CDK5RAP2: variants seen among roughly 807,000 people sequenced by gnomAD.
CDK5RAP2 encodes CDK5 regulatory subunit-associated protein 2.
CDK5RAP2 carries 147 observed loss-of-function variants against 232.9 expected under a neutral mutation model. That is an observed-to-expected ratio of 0.63 (90% CI 0.55 to 0.72). The LOEUF is 0.72. Among genes scored for constraint, CDK5RAP2 ranks in the 30% least tolerant of loss-of-function variants. The pLI is 0.00. For synonymous variants in CDK5RAP2, 833 were observed against 833.7 expected, an observed-to-expected ratio of 1.00 and a Z score of 0.01; for missense variants, 2,195 against 2,231.5, an observed-to-expected ratio of 0.98 and a Z score of 0.33.
At chr9:120,482,615 A>T (rs1159721048) in intron 14 of CDK5RAP2, among the ~76,000 whole-genome samples, 9 of 152,128 alleles carry the variant, frequency 5.9e-5, no homozygotes, top group Admixed American at 5.9e-4. Context: ...CAGCCCCCAG[A>T]GCTGGCGTGT....
rs141110229 is a variant in CDK5RAP2 at position 120,572,819 on chromosome 9, A to T, written c.60-778T>A. Among the ~76,000 whole-genome samples the T allele has an allele frequency of 4.7e-4, 72 of 152,338 alleles. 1 individual carries two copies. The highest frequency in any genetic ancestry group is 9.3e-4 in the Non-Finnish European group (63 of 68,032). Reference sequence around the variant, plus strand: ...CAAGGTACCTTGTGGGTACTCCACAAATGGGAGCAAAATATCATGTCGCCT... The same window carrying T: ...CAAGGTACCTTGTGGGTACTCCACATATGGGAGCAAAATATCATGTCGCCT... On this transcript the variant is annotated intron_variant, in intron 1 of 37. Transcript: ENST00000349780.
At chr9:120,472,308 T>A (rs1243339738) in intron 15 of CDK5RAP2, among the ~76,000 whole-genome samples, 2 of 152,226 alleles carry the variant, frequency 1.3e-5, no homozygotes, top group Admixed American at 6.5e-5. Flanking sequence ...CATTTCCAAA[T>A]TTTTGCTATA....
chr9:120,439,680 C>T lies in CDK5RAP2; in HGVS notation c.3441G>A (p.Leu1147=), dbSNP rs369649269. ...SQCSEAIITV[L]CGTEGAQDGL... ...CATCCTGGGCCCCTTCTGTCCCACA[C>T]AAAACTGTAATTATGGCCTCACTGC... is the stretch of plus-strand genomic sequence containing the variant. Residue 1147 remains leucine (L), a synonymous_variant, in exon 24 of 38, where the codon TTG becomes TTA. Coordinates refer to ENST00000349780, the MANE Select transcript of CDK5RAP2 (RefSeq NM_018249.6). 1.4e-5 allele frequency: 22 copies of T among 1,614,212 alleles called. No individual in the cohort carries two copies. In the African/African-American group the frequency reaches 2.4e-4, roughly 18 times the overall value.
Position 120,415,046 on chromosome 9 carries a change from C to T in CDK5RAP2, c.4291G>A (p.Val1431Ile). The change falls in exon 28 of 38, where the codon GTT becomes ATT. Residue 1431 changes from valine (V) to isoleucine (I), a missense_variant. Physicochemically the swap from Val to Ile is conservative, Grantham distance 29. Coordinates refer to ENST00000349780, the MANE Select transcript of CDK5RAP2 (RefSeq NM_018249.6). The stretch of plus-strand genomic sequence containing the variant: ...CAGGAAGGTCTTTCCTTACCTTGAA[C>T]AAATTCAGATCCTTGCCGTTCCAAC... ...KQLERQGSEF[V>I]QGSTSIFASG... 3 of 1,614,192 alleles carry T rather than the reference C, an allele frequency of 1.9e-6. No homozygotes were observed. The highest frequency in any genetic ancestry group is 2.5e-6 in the Non-Finnish European group (3 of 1,180,004).
intron 7 of CDK5RAP2, among the ~76,000 whole-genome samples, chr9:120,532,847 A>G (rs1261814482): frequency 6.6e-6 from 1 of 152,152 alleles, no homozygotes; most frequent in Non-Finnish European, 1.5e-5. Context: ...CTGATCCGAC[A>G]TCCATGGAGA....
intron 3 of CDK5RAP2, among the ~76,000 whole-genome samples, chr9:120,553,034 A>G (rs2042103255): frequency 2.0e-5 from 3 of 152,270 alleles, no homozygotes; most frequent in South Asian, 2.1e-4. Flanking sequence ...AAGTTGGGGG[A>G]AAAAATAGTA....
chr9:120,498,657 G>A (rs966906244), intron 12 of CDK5RAP2, among the ~76,000 whole-genome samples: 1 of 151,838 alleles, frequency 6.6e-6, no homozygotes, highest in African/African-American at 2.4e-5. Context: ...ATGGGAACTC[G>A]CTATATTGTT....
At chr9:120,557,857 C>A (rs1477066898) in intron 3 of CDK5RAP2, among the ~76,000 whole-genome samples, 1 of 148,948 alleles carries the variant, frequency 6.7e-6, no homozygotes. Context: ...CTCCGCCTTC[C>A]GGGTTCAAGC....
At chr9:120,576,150 T>C (rs1406869235) in intron 1 of CDK5RAP2, among the ~76,000 whole-genome samples, 1 of 152,232 alleles carries the variant, frequency 6.6e-6, no homozygotes, top group Non-Finnish European at 1.5e-5. Context: ...AATCCCCTAC[T>C]GATGATAATT....
intron 1 of CDK5RAP2, among the ~76,000 whole-genome samples, chr9:120,577,090 A>G (rs1353966369): frequency 6.6e-6 from 1 of 152,040 alleles, no homozygotes; most frequent in African/African-American, 2.4e-5. Flanking sequence ...GGCTGGGCGC[A>G]ATGGCACATA....
At chr9:120,488,485 CTT>C (rs1291876476) in intron 13 of CDK5RAP2, among the ~76,000 whole-genome samples, 4 of 152,218 alleles carry the variant, frequency 2.6e-5, no homozygotes, top group Admixed American at 1.3e-4. Flanking sequence ...CCTCTCCTCT[CTT>C]CTCACCTCTC....
In CDK5RAP2 at chr9:120,402,469, C is replaced by T. The variant is rs1176251502; in HGVS notation, c.5307+337G>A. ...ACTAGTAATTCCACTTCATAATGGG[C>T]GACAGCCAGGTGGATGGGCAGATGA... is the stretch of plus-strand genomic sequence containing the variant. On this transcript the variant is annotated intron_variant, in intron 34 of 37. Coordinates refer to ENST00000349780, the MANE Select transcript of CDK5RAP2 (RefSeq NM_018249.6). 6.6e-5 allele frequency among the ~76,000 whole-genome samples: 10 copies of T among 152,242 alleles called. No homozygotes were observed. The East Asian group carries it at 1.4e-3, about 21-fold the overall frequency.
intron 14 of CDK5RAP2, among the ~76,000 whole-genome samples, chr9:120,478,787 C>T (rs946613863): frequency 6.6e-6 from 1 of 151,970 alleles, no homozygotes; most frequent in Non-Finnish European, 1.5e-5. Context: ...AAATAACAAA[C>T]AAACAAACAA....
At chr9:120,462,954 G>C (rs1281339731) in intron 18 of CDK5RAP2, among the ~76,000 whole-genome samples, 2 of 152,250 alleles carry the variant, frequency 1.3e-5, no homozygotes, top group Non-Finnish European at 2.9e-5. Context: ...AGATGAGACA[G>C]AGTGATGATG....
At chr9:120,568,517 T>C in intron 2 of CDK5RAP2, 129 bp from the exon 3 acceptor site, 1 of 770,118 alleles carries the variant, frequency 1.3e-6, no homozygotes, top group Non-Finnish European at 2.4e-6. Context: ...GTACTTGCTG[T>C]CTTTTGTGAT....
chr9:120,529,494 C>T (rs10760099), intron 8 of CDK5RAP2, among the ~76,000 whole-genome samples: 145,887 of 152,302 alleles, frequency 0.96, 70,170 homozygotes, highest in East Asian at 1. Flanking sequence ...TGAGCTCTAC[C>T]TTGCCAGGTG....
intron 23 of CDK5RAP2, among the ~76,000 whole-genome samples, chr9:120,443,394 G>A (rs887613681): frequency 6.6e-6 from 1 of 152,184 alleles, no homozygotes; most frequent in Non-Finnish European, 1.5e-5. Flanking sequence ...ACACATGGAC[G>A]GGTGGGTTCT....
intron 15 of CDK5RAP2, 143 bp from the exon 16 acceptor site, chr9:120,472,021 T>C: frequency 4.7e-5 from 45 of 952,716 alleles, no homozygotes; most frequent in Middle Eastern, 6.3e-4. Context: ...CTATAGAGAA[T>C]TTTAAATACA....
chr9:120,403,675 G>T lies in CDK5RAP2; in HGVS notation c.5041+361C>A. 1 of 357,246 alleles carries T rather than the reference G, an allele frequency of 2.8e-6. No individual in the cohort carries two copies. Among genetic ancestry groups the T allele is most frequent in the Non-Finnish European group, 5.3e-6 (1 of 188,538 alleles). The allele number at this position is 357,246 out of a possible 1,614,324, so 22.1% of individuals were successfully genotyped here. ...AGGGGGTCTAAAAGTCACAGTGAGAGGAAAGTGTGGGCCTGTCTGCAGGAT... is the reference window on the plus strand; with the variant it reads ...AGGGGGTCTAAAAGTCACAGTGAGATGAAAGTGTGGGCCTGTCTGCAGGAT... On this transcript the variant is annotated intron_variant, in intron 33 of 37. Transcript: ENST00000349780. The surrounding 1 kb of genome is among the most constrained non-coding windows in gnomAD (Gnocchi z 4.2).
Sources: gnomAD v4.1 joint callset for allele counts (sites outside exome capture counted in the v4.1 genomes callset) on GRCh38, gnomAD v4.1.1 for gene constraint, Gnocchi (gnomAD v3.1) non-coding constraint, MANE v1.5 for transcripts, NCBI Gene and HGNC (gene_info 2026-07-23, HGNC 2026-07-21) for gene names.